SHOC1: variants seen among roughly 807,000 people sequenced by gnomAD.
SHOC1 encodes protein shortage in chiasmata 1 ortholog.
In SHOC1, 136 loss-of-function variants were observed where a neutral mutation model predicts 179.2. That is an observed-to-expected ratio of 0.76 (90% CI 0.66 to 0.87). The LOEUF is 0.87. Among genes scored for constraint, SHOC1 ranks in the 40% least tolerant of loss-of-function variants. SHOC1 has a pLI of 0.00. For synonymous variants in SHOC1, 489 were observed against 586.6 expected (o/e 0.83, Z 2.41); for missense variants, 1,538 against 1,700.8 (o/e 0.90, Z 1.68).
At chr9:111,755,281 C>G (rs755016216) in intron 8 of SHOC1, among the ~76,000 whole-genome samples, 32 of 152,162 alleles carry the variant, frequency 2.1e-4, no homozygotes, top group Non-Finnish European at 4.3e-4. Context: ...TTTGCAAGTT[C>G]TGGTATGGAT....
intron 4 of SHOC1, among the ~76,000 whole-genome samples, chr9:111,778,916 T>C (rs989512725): frequency 2.0e-5 from 3 of 151,516 alleles, no homozygotes; most frequent in Admixed American, 1.3e-4. Flanking sequence ...CTGGCCAACA[T>C]GGTGAAACTC....
chr9:111,764,083 T>C (rs1331217322), intron 5 of SHOC1, among the ~76,000 whole-genome samples: 1 of 152,090 alleles, frequency 6.6e-6, no homozygotes, highest in East Asian at 1.9e-4. Context: ...GTGTTGTGAG[T>C]GGCATGATGA....
At chr9:111,775,639 G>A (rs1057435861) in intron 5 of SHOC1, 152 bp downstream of exon 5, 1 of 561,104 alleles carries the variant, frequency 1.8e-6, no homozygotes, top group Non-Finnish European at 3.0e-6. Context: ...ATATGAATGA[G>A]GAAATACTGC....
At chr9:111,738,150 G>T in intron 12 of SHOC1, 130 bp downstream of exon 12, 1 of 703,528 alleles carries the variant, frequency 1.4e-6, no homozygotes, top group Non-Finnish European at 2.1e-6. Context: ...CATAAATTCT[G>T]GCAGAGCCAG....
intron 5 of SHOC1, chr9:111,759,518 T>C (rs1835043699): frequency 8.3e-7 from 1 of 1,205,974 alleles, no homozygotes; most frequent in East Asian, 3.5e-5. Context: ...TTCTTTAGAA[T>C]CTTGGCTAGC....
chr9:111,740,420 T>G (rs1833981373), intron 11 of SHOC1, among the ~76,000 whole-genome samples: 1 of 152,178 alleles, frequency 6.6e-6, no homozygotes, highest in Non-Finnish European at 1.5e-5. Context: ...ATTTAAAAAT[T>G]TTTTAAAACA....
At chr9:111,754,310 G>A (rs1834752804) in intron 8 of SHOC1, among the ~76,000 whole-genome samples, 1 of 152,142 alleles carries the variant, frequency 6.6e-6, no homozygotes, top group South Asian at 2.1e-4. Flanking sequence ...AAGGATCTGA[G>A]TAGACATTTC....
chr9:111,736,263 T>A (rs985534393), intron 12 of SHOC1, among the ~76,000 whole-genome samples: 1 of 151,958 alleles, frequency 6.6e-6, no homozygotes, highest in African/African-American at 2.4e-5. Flanking sequence ...GACAAAGCAA[T>A]CCTAAGCAAA....
intron 10 of SHOC1, among the ~76,000 whole-genome samples, chr9:111,742,001 A>G (rs10817212): frequency 0.41 from 62,872 of 152,074 alleles, 14,434 homozygotes; most frequent in East Asian, 0.77. Context: ...AATTGACTTT[A>G]TAAATGTGTA....
chr9:111,752,731 T>C lies in SHOC1; in HGVS notation c.862+3594A>G, dbSNP rs114886032. Among the ~76,000 whole-genome samples the C allele has an allele frequency of 2.0e-3, 304 of 152,234 alleles. 1 individual carries two copies. The highest frequency in any genetic ancestry group is 7.0e-3 in the African/African-American group (289 of 41,550). ...AATATGGTTGTAATGAATGAGCAAA[T>C]AGAAATTCTCAGCAGTGAAAGAGAA... On this transcript the variant is annotated intron_variant, in intron 8 of 27. Coordinates refer to ENST00000682961, the MANE Select transcript of SHOC1 (RefSeq NM_001378211.1).
chr9:111,763,232 C>T (rs1265675339), intron 5 of SHOC1, among the ~76,000 whole-genome samples: 1 of 151,750 alleles, frequency 6.6e-6, no homozygotes, highest in Non-Finnish European at 1.5e-5. Flanking sequence ...ATAGGAGATT[C>T]AGGAGAGAGA....
chr9:111,714,681 T>A, intron 16 of SHOC1, 58 bp from the exon 17 acceptor site: 1 of 1,451,736 alleles, frequency 6.9e-7, no homozygotes, highest in Non-Finnish European at 9.3e-7. Context: ...AGAAACTCCG[T>A]GGTAAAAAAG....
chr9:111,733,918 G>A (rs1833703920), intron 12 of SHOC1, among the ~76,000 whole-genome samples: 1 of 152,018 alleles, frequency 6.6e-6, no homozygotes. Context: ...TATGTGGGCT[G>A]AATAGGATCC....
chr9:111,740,114 A>G (rs895758205), intron 11 of SHOC1, among the ~76,000 whole-genome samples: 1 of 152,170 alleles, frequency 6.6e-6, no homozygotes, highest in African/African-American at 2.4e-5. Context: ...TCCAGCTCCA[A>G]GGTAGAAATA....
chr9:111,716,717 G>T (rs1832810586), intron 16 of SHOC1, among the ~76,000 whole-genome samples: 1 of 152,068 alleles, frequency 6.6e-6, no homozygotes, highest in African/African-American at 2.4e-5. Flanking sequence ...TTAATCCAAG[G>T]CTTTGGTAAG....
intron 27 of SHOC1, among the ~76,000 whole-genome samples, chr9:111,690,034 A>C (rs1275713405): frequency 6.6e-6 from 1 of 152,234 alleles, no homozygotes; most frequent in Non-Finnish European, 1.5e-5. Flanking sequence ...TTTTATGTCC[A>C]AATGTGATAA....
At chr9:111,790,226 G>C (rs1431288469) in intron 2 of SHOC1, among the ~76,000 whole-genome samples, 1 of 152,238 alleles carries the variant, frequency 6.6e-6, no homozygotes, top group South Asian at 2.1e-4. Context: ...ATCATAGTAG[G>C]ATGGTGCAAA....
chr9:111,689,858 A>AGGGG (rs1271885407), intron 27 of SHOC1, among the ~76,000 whole-genome samples: 2 of 152,154 alleles, frequency 1.3e-5, no homozygotes, highest in African/African-American at 4.8e-5. Flanking sequence ...TCTAACATTT[A>AGGGG]ATGTTAGAAT....
intron 2 of SHOC1, among the ~76,000 whole-genome samples, chr9:111,788,159 C>T (rs1286646966): frequency 4.0e-5 from 6 of 149,536 alleles, no homozygotes; most frequent in Admixed American, 1.3e-4. Context: ...CTCAGCCTCC[C>T]GCGTTCAAGC....
Sources: gnomAD v4.1 joint callset for allele counts (sites outside exome capture counted in the v4.1 genomes callset) on GRCh38, gnomAD v4.1.1 for gene constraint, MANE v1.5 for transcripts, NCBI Gene and HGNC (gene_info 2026-07-23, HGNC 2026-07-21) for gene names.